Variants in PIK3CA observed in about 807,000 individuals in gnomAD.
The protein encoded by PIK3CA is phosphatidylinositol 4,5-bisphosphate 3-kinase catalytic subunit alpha isoform.
Under a neutral mutation model 138.2 loss-of-function variants are expected in PIK3CA, and 27 were observed. The observed-to-expected ratio is 0.20, with a 90% CI of 0.14 to 0.27. PIK3CA has a LOEUF of 0.27. Ranked by LOEUF, PIK3CA falls within the 10% of genes least tolerant of loss-of-function variation. The pLI, the probability that PIK3CA is intolerant of heterozygous loss-of-function variation, is 1.00. For missense variants in PIK3CA, 544 were observed against 1,277.4 expected (o/e 0.43, Z 8.75); for synonymous variants, 358 against 413.2 (o/e 0.87, Z 1.62).
intron 1 of PIK3CA, among the ~76,000 whole-genome samples, chr3:179,167,876 C>T (rs1482046147): frequency 6.6e-6 from 1 of 152,044 alleles, no homozygotes; most frequent in African/African-American, 2.4e-5. Flanking sequence ...TTTCCAATTA[C>T]TTTTCTTTTT....
chr3:179,150,031 TTTAAC>T (rs1263887992), intron 1 of PIK3CA, among the ~76,000 whole-genome samples: 4 of 152,050 alleles, frequency 2.6e-5, no homozygotes, highest in Non-Finnish European at 5.9e-5. Context: ...TTTTTTTCCT[TTTAAC>T]TGAAGCACTG....
chr3:179,230,515 G>GATTAC lies in PIK3CA; in HGVS notation c.2936+140_2936+141insTTACA. 1 of 690,094 alleles carries GATTAC rather than the reference G, an allele frequency of 1.4e-6. No homozygotes were observed. Among genetic ancestry groups the GATTAC allele is most frequent in the Non-Finnish European group, 2.4e-6 (1 of 419,356 alleles). The allele number at this position is 690,094 out of a possible 1,614,324, so 42.7% of individuals were successfully genotyped here. ...CATGCCTGTAATCCCAACTCTTTGG[G>GATTAC]AGGCCGAGGCTGGAGGATCACTTGA... On this transcript the variant is annotated intron_variant, in intron 20 of 20. Coordinates refer to ENST00000263967, the MANE Select transcript of PIK3CA (RefSeq NM_006218.4). This position sits in a 1 kb window ranked among gnomAD's most constrained non-coding sequence, Gnocchi z 5.4.
intron 1 of PIK3CA, among the ~76,000 whole-genome samples, chr3:179,197,940 C>T (rs1189995067): frequency 6.6e-6 from 1 of 152,128 alleles, no homozygotes. Context: ...ATATTACAAA[C>T]TGATTGGAAC....
intron 2 of PIK3CA, 108 bp from the exon 3 acceptor site, chr3:179,199,582 T>C (rs1027217924): frequency 2.7e-6 from 2 of 750,930 alleles, no homozygotes; most frequent in Non-Finnish European, 4.2e-6. Context: ...GTACTTTTTT[T>C]ACTTTATTGT....
chr3:179,170,689 A>G (rs186936393), intron 1 of PIK3CA, among the ~76,000 whole-genome samples: 1 of 152,358 alleles, frequency 6.6e-6, no homozygotes, highest in East Asian at 1.9e-4. Context: ...GAAAAGGAGT[A>G]TTATTAGAGA....
chr3:179,236,478 G>C lies in PIK3CA; in HGVS notation c.*2114G>C. 4.6e-6 allele frequency: 1 copy of C among 217,936 alleles called. No individual in the cohort carries two copies. Among genetic ancestry groups the C allele is most frequent in the Non-Finnish European group, 9.3e-6 (1 of 107,302 alleles). 13.5% of individuals were successfully genotyped at this position (217,936 alleles called of 1,614,324 possible). On this transcript the variant is annotated 3_prime_UTR_variant, in exon 21 of 21. Coordinates refer to ENST00000263967, the MANE Select transcript of PIK3CA (RefSeq NM_006218.4). Reference sequence around the variant, plus strand: ...TTTTCAATATCAGGGTTAAATTATAGGAAAACTCAGTAAAATGGTACAAAT... The same window carrying C: ...TTTTCAATATCAGGGTTAAATTATACGAAAACTCAGTAAAATGGTACAAAT...
rs535784829 is a variant in PIK3CA at position 179,202,948 on chromosome 3, T to TG, written c.814-596_814-595insG. 6.9e-3 allele frequency among the ~76,000 whole-genome samples: 1,035 copies of TG among 149,314 alleles called. 11 individuals carry two copies. The highest frequency in any genetic ancestry group is 0.012 in the Non-Finnish European group (798 of 67,134). ...GTATCCTGTGATCCTTGTTTTTTTT[T>TG]TTTTTTTTTTGAGACGGAGTCTTGC... On this transcript the variant is annotated intron_variant, in intron 4 of 20. Coordinates refer to ENST00000263967, the MANE Select transcript of PIK3CA (RefSeq NM_006218.4).
chr3:179,196,256 A>G (rs188043734), intron 1 of PIK3CA, among the ~76,000 whole-genome samples: 1 of 152,314 alleles, frequency 6.6e-6, no homozygotes, highest in East Asian at 1.9e-4. Context: ...GCAGAGAAAA[A>G]TCATAAACAC....
intron 1 of PIK3CA, chr3:179,149,427 G>A (rs1488884693): frequency 1.3e-5 from 2 of 152,130 alleles, no homozygotes; most frequent in Non-Finnish European, 2.9e-5. Flanking sequence ...AAGGAATAGT[G>A]ATGGTGGCCA....
chr3:179,208,633 C>T (rs2108398263), intron 6 of PIK3CA, among the ~76,000 whole-genome samples: 1 of 152,176 alleles, frequency 6.6e-6, no homozygotes, highest in African/African-American at 2.4e-5. Context: ...GTATGTGGTT[C>T]TTTACAAATA....
At chr3:179,173,321 G>C (rs1180996140) in intron 1 of PIK3CA, among the ~76,000 whole-genome samples, 1 of 151,002 alleles carries the variant, frequency 6.6e-6, no homozygotes, top group Non-Finnish European at 1.5e-5. Flanking sequence ...CACTTTGGGA[G>C]GCTGAGGCGG....
At chr3:179,190,775 TC>T (rs1445891255) in intron 1 of PIK3CA, among the ~76,000 whole-genome samples, 2 of 152,178 alleles carry the variant, frequency 1.3e-5, no homozygotes, top group Non-Finnish European at 2.9e-5. Context: ...TGTAAATGTA[TC>T]GTATGCATAT....
chr3:179,152,222 A>G (rs1177380129), intron 1 of PIK3CA, among the ~76,000 whole-genome samples: 1 of 152,232 alleles, frequency 6.6e-6, no homozygotes, highest in African/African-American at 2.4e-5. Flanking sequence ...TATAAATTGT[A>G]TAGAGTGGCA....
chr3:179,154,469 C>A (rs1219124212), intron 1 of PIK3CA, among the ~76,000 whole-genome samples: 1 of 152,186 alleles, frequency 6.6e-6, no homozygotes, highest in Non-Finnish European at 1.5e-5. Context: ...CCATCGCCCC[C>A]ACACTTCCCC....
chr3:179,209,758 C>A, intron 7 of PIK3CA, 58 bp downstream of exon 7: 1 of 888,962 alleles, frequency 1.1e-6, no homozygotes, highest in Non-Finnish European at 1.7e-6. Flanking sequence ...GATTATACCG[C>A]TGATTGAATT....
chr3:179,222,576 G>A (rs551994652), intron 14 of PIK3CA, among the ~76,000 whole-genome samples: 10 of 152,268 alleles, frequency 6.6e-5, no homozygotes, highest in Admixed American at 3.3e-4. Flanking sequence ...TTGTAGATGT[G>A]ATGGGATGCG....
chr3:179,210,096 T>G, intron 7 of PIK3CA, 90 bp from the exon 8 acceptor site: 1 of 965,644 alleles, frequency 1.0e-6, no homozygotes. Flanking sequence ...ATTATAGAGA[T>G]GATTGTTGAA....
chr3:179,167,857 C>G (rs1723458024), intron 1 of PIK3CA, among the ~76,000 whole-genome samples: 1 of 152,020 alleles, frequency 6.6e-6, no homozygotes, highest in Non-Finnish European at 1.5e-5. Flanking sequence ...TTTTTGTTTT[C>G]CCCTAAAGTT....
intron 6 of PIK3CA, 59 bp downstream of exon 6, chr3:179,204,647 C>A (rs2108394766): frequency 1.3e-6 from 1 of 781,996 alleles, no homozygotes; most frequent in South Asian, 1.6e-5. Context: ...GCAGTATGAT[C>A]CATAAAAGTA....
Sources: allele counts gnomAD v4.1 joint callset (sites outside exome capture counted in the v4.1 genomes callset), GRCh38; gene constraint gnomAD v4.1.1; non-coding constraint Gnocchi (gnomAD v3.1); transcripts MANE v1.5; gene names NCBI Gene and HGNC (gene_info 2026-07-23, HGNC 2026-07-21).